The following PPP2R3A variants were observed in gnomAD, a reference collection of about 807,000 sequenced individuals.
PPP2R3A encodes protein phosphatase 2 regulatory subunit B''alpha.
Under a neutral mutation model 106.9 loss-of-function variants are expected in PPP2R3A, and 80 were observed. The observed-to-expected ratio is 0.75, with a 90% confidence interval of 0.62 to 0.90. PPP2R3A has a LOEUF of 0.90. PPP2R3A is among the 40% of genes least tolerant of loss of function. The probability of loss-of-function intolerance (pLI) is 0.00; values close to 1 mark genes in which losing one functional copy is unlikely to be tolerated. For synonymous variants in PPP2R3A, 483 were observed against 468.3 expected (o/e 1.03, Z -0.41); for missense variants, 1,386 against 1,350.4 (o/e 1.03, Z -0.41).
chr3:136,029,662 C>T (rs1357805938), intron 3 of PPP2R3A, among the ~76,000 whole-genome samples: 1 of 152,140 alleles, frequency 6.6e-6, no homozygotes, highest in Non-Finnish European at 1.5e-5. Context: ...AGATAGAAAA[C>T]TAATTTGTTT....
chr3:136,003,305 C>G lies in PPP2R3A; in HGVS notation c.1807C>G (p.Gln603Glu), dbSNP rs745942225. The change falls in exon 2 of 14, where the codon CAA (glutamine) becomes GAA (glutamate). Residue 603 changes from glutamine to glutamate, a missense_variant. Gln to Glu is a conservative substitution (Grantham distance 29, BLOSUM62 2). Transcript: ENST00000264977. ...RILESIEDFA[Q>E]ELVECKSSRG... is the part of the protein sequence containing the mutation. ...CCTGGAAAGCATTGAAGACTTTGCTCAAGAACTAGTTGAATGCAAATCAAG... is the reference window on the plus strand; with the variant it reads ...CCTGGAAAGCATTGAAGACTTTGCTGAAGAACTAGTTGAATGCAAATCAAG... 1.2e-6 allele frequency: 2 copies of G among 1,613,970 alleles called. No homozygotes were observed. The highest frequency in any genetic ancestry group is 3.3e-5 in the Admixed American group (2 of 59,980).
intron 13 of PPP2R3A, among the ~76,000 whole-genome samples, chr3:136,127,945 T>A (rs1042385129): frequency 6.6e-6 from 1 of 152,126 alleles, no homozygotes; most frequent in East Asian, 1.9e-4. Flanking sequence ...AGAAAATCCT[T>A]TACAGCCAAG....
At chr3:135,970,603 A>G (rs917723197) in intron 1 of PPP2R3A, among the ~76,000 whole-genome samples, 8 of 152,324 alleles carry the variant, frequency 5.3e-5, no homozygotes, top group Non-Finnish European at 7.4e-5. Context: ...AGCAAGAACC[A>G]TTTTAGATTG....
At position 136,103,252 on chromosome 3, in the gene PPP2R3A, A is replaced by G. The variant is rs778940606; in HGVS notation, c.3104-6A>G. The G allele has an allele frequency of 1.3e-6, 2 of 1,558,480 alleles. No individual in the cohort carries two copies. Among genetic ancestry groups the G allele is most frequent in the Non-Finnish European group, 1.7e-6 (2 of 1,143,958 alleles). ...AAATTTACCAGATTTGTTTATTTTT[A>G]TGTAGGCAAAATAACTCTAAGAGAT... On this transcript the variant is annotated splice_region_variant and splice_polypyrimidine_tract_variant and intron_variant, in intron 11 of 13. Coordinates refer to ENST00000264977, the MANE Select transcript of PPP2R3A (RefSeq NM_002718.5).
At chr3:136,064,260 A>T (rs1419928964) in intron 5 of PPP2R3A, among the ~76,000 whole-genome samples, 1 of 105,576 alleles carries the variant, frequency 9.5e-6, no homozygotes, top group East Asian at 3.3e-4. Flanking sequence ...CACTCTGGGG[A>T]CTGTTGTGGG....
intron 1 of PPP2R3A, among the ~76,000 whole-genome samples, chr3:135,976,727 A>C (rs950033106): frequency 1.3e-5 from 2 of 152,182 alleles, no homozygotes; most frequent in African/African-American, 4.8e-5. Context: ...TCTTTGCCTT[A>C]TATGGCGTTT....
chr3:135,977,251 T>C (rs1420745703), intron 1 of PPP2R3A, among the ~76,000 whole-genome samples: 3 of 152,210 alleles, frequency 2.0e-5, no homozygotes, highest in Non-Finnish European at 4.4e-5. Flanking sequence ...TTGTCTTGAC[T>C]CTTCTGGCAC....
intron 13 of PPP2R3A, among the ~76,000 whole-genome samples, chr3:136,142,695 T>A (rs1938924570): frequency 6.6e-6 from 1 of 152,180 alleles, no homozygotes; most frequent in Admixed American, 6.5e-5. Flanking sequence ...GAGGGCTGAT[T>A]CAGTCTTTTT....
At chr3:136,138,703 T>C (rs1165411733) in intron 13 of PPP2R3A, among the ~76,000 whole-genome samples, 30 of 60,186 alleles carry the variant, frequency 5.0e-4, no homozygotes, top group African/African-American at 1.8e-3. Flanking sequence ...GAATTTTTTT[T>C]TTTTTTTTTT....
chr3:136,113,892 A>G (rs960828205), intron 13 of PPP2R3A, among the ~76,000 whole-genome samples: 5 of 152,194 alleles, frequency 3.3e-5, no homozygotes, highest in Admixed American at 6.5e-5. Flanking sequence ...CAAAGATTTC[A>G]TGATGAAGTC....
chr3:135,980,630 AC>A (rs1458484820), intron 1 of PPP2R3A, among the ~76,000 whole-genome samples: 1 of 151,762 alleles, frequency 6.6e-6, no homozygotes, highest in Non-Finnish European at 1.5e-5. Context: ...TAAGTATATA[AC>A]CAAAAATTTC....
At chr3:136,100,512 T>TA (rs1937332733) in intron 10 of PPP2R3A, among the ~76,000 whole-genome samples, 1 of 149,712 alleles carries the variant, frequency 6.7e-6, no homozygotes, top group African/African-American at 2.5e-5. Context: ...CCGTCTCTCC[T>TA]TAAAAAAAAA....
At chr3:136,143,275 G>A (rs1375278415) in intron 13 of PPP2R3A, among the ~76,000 whole-genome samples, 1 of 152,110 alleles carries the variant, frequency 6.6e-6, no homozygotes, top group Admixed American at 6.5e-5. Context: ...GATCACCTGA[G>A]GTCAGGAGTT....
At chr3:136,049,073 G>A (rs963463818) in intron 4 of PPP2R3A, among the ~76,000 whole-genome samples, 186 bp from the exon 5 acceptor site, 1 of 152,194 alleles carries the variant, frequency 6.6e-6, no homozygotes, top group Non-Finnish European at 1.5e-5. Flanking sequence ...GGGTCTAATA[G>A]ACTTCAGTAC....
chr3:136,104,556 T>A (rs1027286664), intron 12 of PPP2R3A, among the ~76,000 whole-genome samples: 2 of 152,180 alleles, frequency 1.3e-5, no homozygotes, highest in African/African-American at 4.8e-5. Flanking sequence ...TCTGCCCACC[T>A]AGGCCTCCCA....
rs1412825752 is a variant in PPP2R3A at position 136,146,915 on chromosome 3, TTTTA to T, written c.*1752_*1755del. 1.3e-5 allele frequency: 2 copies of T among 152,146 alleles called. No individual in the cohort carries two copies. Among genetic ancestry groups the T allele is most frequent in the African/African-American group, 4.8e-5 (2 of 41,442 alleles). 9.4% of individuals were successfully genotyped at this position (152,146 alleles called of 1,614,324 possible). A position where few individuals can be genotyped will look rare whatever the true frequency, so the allele number is the denominator to read the frequency against. On this transcript the variant is annotated 3_prime_UTR_variant, in exon 14 of 14. Coordinates refer to ENST00000264977, the MANE Select transcript of PPP2R3A (RefSeq NM_002718.5). Reference sequence around the variant, plus strand: ...TTAGAAGCCAGATATGGTTTAAATGTTTTATTATCCATAATGATCTAAACTAATA... The same window carrying T: ...TTAGAAGCCAGATATGGTTTAAATGTTTATCCATAATGATCTAAACTAATA...
Position 136,070,458 on chromosome 3 carries a change from T to C in PPP2R3A, c.2470-20T>C, listed in dbSNP as rs1231254389. ...TTTTTGTATGTTTGTTAATTTAGTTTTGGTTTTGATCTTTTTCAGGATGTG... is the reference window on the plus strand; with the variant it reads ...TTTTTGTATGTTTGTTAATTTAGTTCTGGTTTTGATCTTTTTCAGGATGTG... On this transcript the variant is annotated intron_variant, in intron 5 of 13. Coordinates refer to ENST00000264977, the MANE Select transcript of PPP2R3A (RefSeq NM_002718.5). 6.3e-7 allele frequency: 1 copy of C among 1,578,310 alleles called. No homozygotes were observed. Among genetic ancestry groups the C allele is most frequent in the South Asian group, 1.2e-5 (1 of 85,044 alleles).
Position 136,005,018 on chromosome 3 carries a change from T to C in PPP2R3A, c.1995+1525T>C, listed in dbSNP as rs1057165284. Among the ~76,000 whole-genome samples the C allele has an allele frequency of 2.0e-5, 3 of 152,298 alleles. 1 individual carries two copies. In the South Asian group the frequency reaches 6.2e-4, roughly 32 times the overall value. On this transcript the variant is annotated intron_variant, in intron 2 of 13. Coordinates refer to ENST00000264977, the MANE Select transcript of PPP2R3A (RefSeq NM_002718.5). ...ATGCATATTGTCATCAGATGAATCT[T>C]TCTTTCCCTGGTACATGTTGAGCAT...
intron 5 of PPP2R3A, 31 bp downstream of exon 5, chr3:136,049,392 C>A: frequency 6.6e-7 from 1 of 1,512,542 alleles, no homozygotes; most frequent in Non-Finnish European, 9.1e-7. Context: ...AAAATGGGTT[C>A]TAATTTTGGA....
Sources: gnomAD v4.1 joint callset for allele counts (sites outside exome capture counted in the v4.1 genomes callset) on GRCh38, gnomAD v4.1.1 for gene constraint, MANE v1.5 for transcripts, NCBI Gene and HGNC (gene_info 2026-07-23, HGNC 2026-07-21) for gene names.